SPAG16: variants seen among roughly 807,000 people sequenced by gnomAD.
SPAG16 encodes sperm associated antigen 16.
SPAG16 carries 86 observed loss-of-function variants against 80.4 expected under a neutral mutation model. That is an observed-to-expected ratio of 1.07 (90% CI 0.90 to 1.28). SPAG16 has a LOEUF of 1.28. Ranked by LOEUF, SPAG16 falls within the 50% of genes most tolerant of loss-of-function variation. The probability of loss-of-function intolerance (pLI) is 0.00; values close to 1 mark genes in which losing one functional copy is unlikely to be tolerated. For synonymous variants in SPAG16, 294 were observed against 265.9 expected (o/e 1.11, Z -1.03); for missense variants, 870 against 765.3 (o/e 1.14, Z -1.61).
intron 11 of SPAG16, among the ~76,000 whole-genome samples, chr2:213,898,895 A>G (rs756155297): frequency 2.3e-4 from 35 of 152,258 alleles, no homozygotes; most frequent in South Asian, 1.4e-3. Context: ...GGAAAATAGT[A>G]TCTCTCATGG....
chr2:213,413,705 T>C (rs1365427440), intron 9 of SPAG16, among the ~76,000 whole-genome samples: 1 of 152,148 alleles, frequency 6.6e-6, no homozygotes, highest in Non-Finnish European at 1.5e-5. Context: ...GGTAGTGAGC[T>C]AAAAAGATGG....
chr2:213,984,526 G>A (rs893921365), intron 12 of SPAG16, among the ~76,000 whole-genome samples: 1 of 152,024 alleles, frequency 6.6e-6, no homozygotes, highest in African/African-American at 2.4e-5. Context: ...TGTCTCTGTT[G>A]TACAATGTTG....
At chr2:213,452,472 A>G (rs2071757751) in intron 9 of SPAG16, among the ~76,000 whole-genome samples, 1 of 152,160 alleles carries the variant, frequency 6.6e-6, no homozygotes, top group African/African-American at 2.4e-5. Context: ...TATTATATCC[A>G]TGCTTTGCCA....
intron 15 of SPAG16, among the ~76,000 whole-genome samples, chr2:214,321,712 A>G (rs1696109587): frequency 6.6e-6 from 1 of 152,236 alleles, no homozygotes; most frequent in South Asian, 2.1e-4. Context: ...TGTTTACTAG[A>G]CTATAATTTG....
At chr2:213,976,276 GTACACATGTGTGCACATATGCA>G (rs1050845701) in intron 12 of SPAG16, among the ~76,000 whole-genome samples, 7 of 150,328 alleles carry the variant, frequency 4.7e-5, no homozygotes, top group African/African-American at 7.3e-5. Context: ...ATACATATGC[GTACACATGTGTGCACATATGCA>G]TACACATGTG....
chr2:213,349,537 G>C (rs927684686), intron 6 of SPAG16, among the ~76,000 whole-genome samples: 2 of 151,926 alleles, frequency 1.3e-5, no homozygotes, highest in African/African-American at 4.8e-5. Flanking sequence ...TAAACTCCTG[G>C]GTGTTTATCT....
chr2:214,153,172 C>T (rs1176434817), intron 15 of SPAG16, among the ~76,000 whole-genome samples: 1 of 152,042 alleles, frequency 6.6e-6, no homozygotes. Flanking sequence ...AGACCACGGT[C>T]CGCCTGGCAA....
chr2:213,421,361 CAACA>C (rs980781429), intron 9 of SPAG16, among the ~76,000 whole-genome samples: 1 of 152,244 alleles, frequency 6.6e-6, no homozygotes, highest in Admixed American at 6.5e-5. Flanking sequence ...CATTGGGCAC[CAACA>C]AACACAAGAG....
chr2:213,467,246 G>A (rs1006168397), intron 9 of SPAG16, among the ~76,000 whole-genome samples: 6 of 152,212 alleles, frequency 3.9e-5, no homozygotes, highest in African/African-American at 9.6e-5. Context: ...GGTTAGTGAA[G>A]CAGGTGGGAT....
intron 9 of SPAG16, among the ~76,000 whole-genome samples, chr2:213,382,741 T>A (rs546872887): frequency 6.6e-6 from 1 of 152,332 alleles, no homozygotes; most frequent in African/African-American, 2.4e-5. Context: ...AGCATATTGC[T>A]AAGACATCTA....
chr2:213,812,717 G>A (rs2072249926), intron 10 of SPAG16, among the ~76,000 whole-genome samples: 1 of 151,980 alleles, frequency 6.6e-6, no homozygotes, highest in South Asian at 2.1e-4. Context: ...CTAACTTTGG[G>A]TTTATTCATT....
intron 14 of SPAG16, among the ~76,000 whole-genome samples, chr2:214,132,823 GGCCTATGCCTTGTAATCCTA>G (rs1195781989): frequency 6.6e-6 from 1 of 151,984 alleles, no homozygotes; most frequent in Non-Finnish European, 1.5e-5. Flanking sequence ...GTCATGGCTG[GGCCTATGCCTTGTAATCCTA>G]GCACTTTGGG....
chr2:213,919,136 A>G (rs1045169144), intron 11 of SPAG16, among the ~76,000 whole-genome samples: 5 of 152,080 alleles, frequency 3.3e-5, no homozygotes, highest in African/African-American at 7.2e-5. Context: ...TCATATCTCA[A>G]TGTCCTTAGT....
chr2:213,364,508 G>T (rs527613918), intron 8 of SPAG16: 1 of 156,116 alleles, frequency 6.4e-6, no homozygotes, highest in African/African-American at 2.4e-5. Context: ...AAATTTATAA[G>T]GTGAGCTCTG....
intron 9 of SPAG16, among the ~76,000 whole-genome samples, chr2:213,454,827 A>C (rs2071903311): frequency 6.6e-6 from 1 of 152,196 alleles, no homozygotes; most frequent in Non-Finnish European, 1.5e-5. Flanking sequence ...TGGTCAGTTT[A>C]CGTTATTGTC....
intron 14 of SPAG16, among the ~76,000 whole-genome samples, chr2:214,139,041 C>T (rs986427130): frequency 1.3e-5 from 2 of 152,112 alleles, no homozygotes; most frequent in Non-Finnish European, 2.9e-5. Flanking sequence ...CAACTATAGT[C>T]CTAGGGTCAG....
intron 9 of SPAG16, among the ~76,000 whole-genome samples, chr2:213,461,868 A>C (rs2072384166): frequency 6.6e-6 from 1 of 152,052 alleles, no homozygotes; most frequent in Admixed American, 6.5e-5. Context: ...GGAGAAGCTC[A>C]ATGTTTCAGG....
intron 10 of SPAG16, among the ~76,000 whole-genome samples, chr2:213,836,721 C>T (rs2074106632): frequency 6.6e-6 from 1 of 152,074 alleles, no homozygotes; most frequent in Admixed American, 6.5e-5. Flanking sequence ...AAGCAATTCT[C>T]CTGCCTCAGC....
intron 10 of SPAG16, among the ~76,000 whole-genome samples, chr2:213,496,137 T>C (rs774829611): frequency 6.6e-6 from 1 of 152,186 alleles, no homozygotes; most frequent in African/African-American, 2.4e-5. Context: ...GTAGACTAGT[T>C]AGCAACTATT....
Sources: gnomAD v4.1 joint callset for allele counts (sites outside exome capture counted in the v4.1 genomes callset) on GRCh38, gnomAD v4.1.1 for gene constraint, MANE v1.5 for transcripts, NCBI Gene and HGNC (gene_info 2026-07-23, HGNC 2026-07-21) for gene names.